AP3D1: variants seen among roughly 807,000 people sequenced by gnomAD.
AP3D1 encodes AP-3 complex subunit delta-1.
In AP3D1, 51 loss-of-function variants were observed where a neutral mutation model predicts 147.6. That is an observed-to-expected ratio of 0.35 (90% CI 0.28 to 0.44). The LOEUF is 0.44. AP3D1 is among the 20% of genes least tolerant of loss of function. The pLI is 1.00. For synonymous variants in AP3D1, 760 were observed against 663.0 expected, an observed-to-expected ratio of 1.15 and a Z score of -2.25; for missense variants, 1,421 against 1,624.2, an observed-to-expected ratio of 0.87 and a Z score of 2.15.
intron 1 of AP3D1, among the ~76,000 whole-genome samples, chr19:2,145,813 A>T (rs1015215602): frequency 6.6e-6 from 1 of 152,190 alleles, no homozygotes; most frequent in African/African-American, 2.4e-5. Flanking sequence ...AAACCCCTGC[A>T]AAGGAGTAAA....
intron 4 of AP3D1, among the ~76,000 whole-genome samples, chr19:2,135,787 C>G (rs1488791790): frequency 6.6e-6 from 1 of 152,166 alleles, no homozygotes; most frequent in African/African-American, 2.4e-5. Flanking sequence ...CCGTGCCGAG[C>G]CCATCAGCAA....
At chr19:2,136,961 A>G (rs957546017) in intron 4 of AP3D1, 50 bp downstream of exon 4, 2 of 1,511,820 alleles carry the variant, frequency 1.3e-6, no homozygotes, top group East Asian at 4.9e-5. Flanking sequence ...ACGCTCCGGC[A>G]AGGGCAGACT....
intron 1 of AP3D1, among the ~76,000 whole-genome samples, chr19:2,139,554 A>G (rs1211785833): frequency 6.6e-6 from 1 of 152,154 alleles, no homozygotes; most frequent in African/African-American, 2.4e-5. Context: ...CCAACATAGC[A>G]CCAGAGACAA....
chr19:2,125,488 G>T (rs765095135), intron 9 of AP3D1, among the ~76,000 whole-genome samples: 2 of 152,056 alleles, frequency 1.3e-5, no homozygotes, highest in Non-Finnish European at 2.9e-5. Flanking sequence ...GCTAATTTTT[G>T]TATTTTTTAG....
At position 2,147,070 on chromosome 19, in the gene AP3D1, C is replaced by T. The variant is rs376807557; in HGVS notation, c.96+4169G>A. ...AGAAAACCCGCTCAGTTCGGCTGGG[C>T]GTGGTGGCTCACGCCTGTCATCCCA... On this transcript the variant is annotated intron_variant, in intron 1 of 31. Coordinates refer to ENST00000643116, the MANE Select transcript of AP3D1 (RefSeq NM_001261826.3). 2.6e-4 allele frequency among the ~76,000 whole-genome samples: 40 copies of T among 152,278 alleles called. No individual in the cohort carries two copies. The East Asian group carries it at 5.6e-3, about 21-fold the overall frequency.
At chr19:2,137,926 A>G (rs2019120312) in intron 2 of AP3D1, 119 bp from the exon 3 acceptor site, 1 of 816,160 alleles carries the variant, frequency 1.2e-6, no homozygotes, top group Admixed American at 2.2e-5. Context: ...ATTCACTGTC[A>G]GCAAACCACC....
At chr19:2,102,714 C>A (rs997335950) in intron 31 of AP3D1, among the ~76,000 whole-genome samples, 2 of 138,444 alleles carry the variant, frequency 1.4e-5, no homozygotes, top group Admixed American at 7.4e-5. Flanking sequence ...GGCGACACAG[C>A]GAGACTGTCT....
intron 29 of AP3D1, chr19:2,109,515 C>T (rs908324056): frequency 2.9e-5 from 14 of 483,222 alleles, no homozygotes; most frequent in Admixed American, 1.1e-4. Context: ...GATGCAGGCA[C>T]GCAGAGGACG....
intron 1 of AP3D1, among the ~76,000 whole-genome samples, chr19:2,162,291 C>T (rs957191591): frequency 6.7e-6 from 1 of 149,406 alleles, no homozygotes. Flanking sequence ...CCGCCTCGGC[C>T]TCCCAAAGTG....
intron 26 of AP3D1, 79 bp downstream of exon 26, chr19:2,111,206 G>T: frequency 1.9e-6 from 3 of 1,552,524 alleles, no homozygotes; most frequent in Middle Eastern, 2.1e-4. Flanking sequence ...GAGCTGTGGG[G>T]GCTGCCCGGG....
chr19:2,130,546 C>A lies in AP3D1; in HGVS notation c.463-9G>T. The A allele has an allele frequency of 6.2e-7, 1 of 1,613,610 alleles. No individual in the cohort carries two copies. The highest frequency in any genetic ancestry group is 8.5e-7 in the Non-Finnish European group (1 of 1,179,720). ...GGCTTGGTGTGTGACATCTGCGGGG[C>A]AGCGGGCTTCAGCCTGCGCGGGCTT... On this transcript the variant is annotated splice_polypyrimidine_tract_variant and intron_variant, in intron 5 of 31. Transcript: ENST00000643116.
At chr19:2,102,662 A>G (rs1171160598) in intron 31 of AP3D1, among the ~76,000 whole-genome samples, 1 of 151,862 alleles carries the variant, frequency 6.6e-6, no homozygotes, top group Non-Finnish European at 1.5e-5. Context: ...CGGGAGGTGG[A>G]CCTTGCAGTG....
intron 26 of AP3D1, 51 bp from the exon 27 acceptor site, chr19:2,110,947 C>G: frequency 6.4e-7 from 1 of 1,572,910 alleles, no homozygotes; most frequent in African/African-American, 1.3e-5. Flanking sequence ...CCACAGGGAA[C>G]AGGCACAGCC....
At chr19:2,140,759 T>C (rs945883371) in intron 1 of AP3D1, among the ~76,000 whole-genome samples, 1 of 114,824 alleles carries the variant, frequency 8.7e-6, no homozygotes, top group African/African-American at 3.8e-5. Context: ...AAACGTCTTT[T>C]TTTTTTTTTT....
At chr19:2,141,470 T>G (rs1426760125) in intron 1 of AP3D1, among the ~76,000 whole-genome samples, 5 of 150,626 alleles carry the variant, frequency 3.3e-5, no homozygotes, top group African/African-American at 1.2e-4. Flanking sequence ...AGTCTTGCTC[T>G]GTCACCAGGC....
intron 1 of AP3D1, among the ~76,000 whole-genome samples, chr19:2,150,616 G>A (rs560708755): frequency 5.3e-5 from 8 of 152,266 alleles, no homozygotes; most frequent in African/African-American, 1.7e-4. Flanking sequence ...GGGAACGGGG[G>A]CACTGGAGGC....
chr19:2,142,963 C>T (rs1162755856), intron 1 of AP3D1, among the ~76,000 whole-genome samples: 3 of 151,676 alleles, frequency 2.0e-5, no homozygotes, highest in African/African-American at 7.3e-5. Flanking sequence ...AGGGTTTCTC[C>T]ATGTTGGCCA....
chr19:2,163,368 C>T (rs2019773835), intron 1 of AP3D1, among the ~76,000 whole-genome samples: 1 of 151,918 alleles, frequency 6.6e-6, no homozygotes, highest in Non-Finnish European at 1.5e-5. Flanking sequence ...GCCAGGGCTC[C>T]TGGCCGTGAG....
chr19:2,132,744 G>A (rs1339796228), intron 4 of AP3D1, among the ~76,000 whole-genome samples, 166 bp from the exon 5 acceptor site: 2 of 152,214 alleles, frequency 1.3e-5, no homozygotes, highest in Non-Finnish European at 1.5e-5. Context: ...TGAGGGGTCT[G>A]AAGCTGAACT....
Sources: gnomAD v4.1 joint callset for allele counts (sites outside exome capture counted in the v4.1 genomes callset) on GRCh38, gnomAD v4.1.1 for gene constraint, MANE v1.5 for transcripts, NCBI Gene and HGNC (gene_info 2026-07-23, HGNC 2026-07-21) for gene names.